The following SGSM2 variants were observed in gnomAD, a reference collection of about 807,000 sequenced individuals.
SGSM2 encodes the protein RUN and TBC1 domain containing 1.
Under a neutral mutation model 126.6 loss-of-function variants are expected in SGSM2, and 89 were observed. The observed-to-expected ratio is 0.70, with a 90% CI of 0.59 to 0.84. The LOEUF (loss-of-function observed/expected upper bound fraction) is 0.84, where lower values mean the gene tolerates loss of function less well. Ranked by LOEUF, SGSM2 falls within the 40% of genes least tolerant of loss-of-function variation. The pLI is 0.00. For synonymous variants in SGSM2, 614 were observed against 574.3 expected (o/e 1.07, Z -0.99); for missense variants, 1,404 against 1,416.6 (o/e 0.99, Z 0.14).
Position 2,362,394 on chromosome 17 carries a change from G to T in SGSM2, c.458+124G>T. ...CGTTCCCCAAAAACTGCAGGTGACCGCCCCGTTCCCCCCAAAACTGCAGGT... is the reference window on the plus strand; with the variant it reads ...CGTTCCCCAAAAACTGCAGGTGACCTCCCCGTTCCCCCCAAAACTGCAGGT... On this transcript the variant is annotated intron_variant, in intron 4 of 23. Coordinates refer to ENST00000268989, the MANE Select transcript of SGSM2 (RefSeq NM_014853.3). This position sits in a 1 kb window ranked among gnomAD's most constrained non-coding sequence, Gnocchi z 4.9. 1.0e-6 allele frequency: 1 copy of T among 965,446 alleles called. No individual in the cohort carries two copies. The highest frequency in any genetic ancestry group is 3.0e-5 in the East Asian group (1 of 33,176). 59.8% of individuals were successfully genotyped at this position (965,446 alleles called of 1,614,324 possible).
chr17:2,363,049 C>T lies in SGSM2; in HGVS notation c.587C>T (p.Pro196Leu). 6.2e-7 allele frequency: 1 copy of T among 1,613,988 alleles called. No homozygotes were observed. ...ACAGCCGATCACTACTGGACTGACC[C>T]CTCTGCTGATGAGCTGGTCCAGCGG... ...LKTADHYWTD[P>L]SADELVQRHR... The change falls in exon 6 of 24, where the codon CCC (proline) becomes CTC (leucine). Residue 196 changes from proline (P) to leucine (L), a missense_variant. Transcript: ENST00000268989. This position sits in a 1 kb window ranked among gnomAD's most constrained non-coding sequence, Gnocchi z 4.2.
rs144978219 is a variant in SGSM2, at chr17:2,337,715, A to C, written c.27A>C (p.Lys9Asn). 143 of 1,543,282 alleles carry C rather than the reference A, an allele frequency of 9.3e-5. No homozygotes were observed. The highest frequency in any genetic ancestry group is 1.2e-4 in the Non-Finnish European group (139 of 1,142,454). Residue 9 changes from lysine (K) to asparagine (N), a missense_variant, in exon 1 of 24, where the codon AAA (lysine) becomes AAC (asparagine). Physicochemically the swap from Lys to Asn is moderately conservative, Grantham distance 94. Transcript: ENST00000268989. This position sits in a 1 kb window ranked among gnomAD's most constrained non-coding sequence, Gnocchi z 5.1. ...TGGGCAGCGCAGAGGACGCAGTCAA[A>C]GAGAAACTGCTGTGGAACGTGAAGA... is the stretch of plus-strand genomic sequence containing the variant. MGSAEDAV[K>N]EKLLWNVKKE... is the part of the protein sequence containing the mutation.
chr17:2,373,221 G>A (rs2065962974), intron 16 of SGSM2, 110 bp from the exon 17 acceptor site: 4 of 1,537,540 alleles, frequency 2.6e-6, no homozygotes, highest in Admixed American at 1.8e-5. Context: ...TTACCCTGAG[G>A]CCCGTCTTGA....
intron 8 of SGSM2, 48 bp from the exon 9 acceptor site, chr17:2,364,547 AG>A (rs2065467034): frequency 6.3e-7 from 1 of 1,584,628 alleles, no homozygotes; most frequent in African/African-American, 1.3e-5. Context: ...GAAGGAAGGA[AG>A]GATGGCAGGT....
At chr17:2,376,885 G>C in intron 20 of SGSM2, 70 bp downstream of exon 20, 2 of 1,606,438 alleles carry the variant, frequency 1.2e-6, no homozygotes, top group Admixed American at 3.3e-5. Context: ...GCCAGGTCTG[G>C]AGGGGTGGGA....
At chr17:2,354,023 T>TCCA (rs888074971) in intron 2 of SGSM2, among the ~76,000 whole-genome samples, 10 of 152,060 alleles carry the variant, frequency 6.6e-5, no homozygotes, top group African/African-American at 2.4e-4. Flanking sequence ...TCCTCCCACC[T>TCCA]CCACCTCCTG....
At position 2,363,803 on chromosome 17, in the gene SGSM2, G is replaced by A; in HGVS notation, c.807+204G>A. 2 of 858,574 alleles carry A rather than the reference G, an allele frequency of 2.3e-6. No individual in the cohort carries two copies. The highest frequency in any genetic ancestry group is 3.5e-6 in the Non-Finnish European group (2 of 568,042). 53.2% of individuals were successfully genotyped at this position (858,574 alleles called of 1,614,324 possible). A position where few individuals can be genotyped will look rare whatever the true frequency, so the allele number is the denominator to read the frequency against. The stretch of plus-strand genomic sequence containing the variant: ...CAGGAATGGCAGCCAGCAGGCGAGG[G>A]GAGTCCGCAGTGTGGGTATGGCTGG... On this transcript the variant is annotated intron_variant, in intron 7 of 23. Coordinates refer to ENST00000268989, the MANE Select transcript of SGSM2 (RefSeq NM_014853.3). The surrounding 1 kb of genome is among the most constrained non-coding windows in gnomAD (Gnocchi z 4.2).
intron 2 of SGSM2, among the ~76,000 whole-genome samples, chr17:2,351,195 G>A (rs751572696): frequency 2.0e-5 from 3 of 151,924 alleles, no homozygotes; most frequent in Non-Finnish European, 4.4e-5. Flanking sequence ...GGAGATTGCA[G>A]TAAGCCAAGA....
At chr17:2,376,919 C>A in intron 20 of SGSM2, 40 bp from the exon 21 acceptor site, 4 of 1,599,388 alleles carry the variant, frequency 2.5e-6, no homozygotes, top group Non-Finnish European at 3.4e-6. Flanking sequence ...CTGTCCCCTG[C>A]GTCTCCTGCC....
intron 3 of SGSM2, 142 bp downstream of exon 3, chr17:2,361,941 G>A (rs2065327863): frequency 3.0e-6 from 4 of 1,324,054 alleles, no homozygotes; most frequent in South Asian, 2.8e-5. Context: ...GCTTGAGGGA[G>A]GGGATTGGTT....
At position 2,361,226 on chromosome 17, in the gene SGSM2, G is replaced by A. The variant is rs567904752; in HGVS notation, c.134-411G>A. Among the ~76,000 whole-genome samples, 3 of 152,350 alleles carry A rather than the reference G, an allele frequency of 2.0e-5. No individual in the cohort carries two copies. In the South Asian group the frequency reaches 6.2e-4, roughly 32 times the overall value. ...TCATCAATATTTTAGCTCCTGCAGA[G>A]CCCTGTTCCTTAGCAACCGCATCCT... On this transcript the variant is annotated intron_variant, in intron 2 of 23. Coordinates refer to ENST00000268989, the MANE Select transcript of SGSM2 (RefSeq NM_014853.3).
chr17:2,345,985 G>A (rs2064583146), intron 2 of SGSM2, among the ~76,000 whole-genome samples: 1 of 152,088 alleles, frequency 6.6e-6, no homozygotes, highest in Admixed American at 6.6e-5. Context: ...GGACGGGGAG[G>A]GAAGACTAGC....
chr17:2,365,500 C>CA (rs2065526615), intron 11 of SGSM2, among the ~76,000 whole-genome samples, 159 bp downstream of exon 11: 1 of 152,182 alleles, frequency 6.6e-6, no homozygotes, highest in Non-Finnish European at 1.5e-5. Flanking sequence ...CTTTTACCCA[C>CA]AGATATTGCC....
chr17:2,359,119 C>T (rs901209760), intron 2 of SGSM2, among the ~76,000 whole-genome samples: 7 of 152,068 alleles, frequency 4.6e-5, no homozygotes, highest in African/African-American at 1.4e-4. Context: ...CCTCATGATC[C>T]GCCTGCCTCG....
At chr17:2,352,979 A>G (rs996742065) in intron 2 of SGSM2, among the ~76,000 whole-genome samples, 21 of 150,820 alleles carry the variant, frequency 1.4e-4, no homozygotes, top group Admixed American at 2.6e-4. Flanking sequence ...GGGTTTCACC[A>G]TGTTAGCCAG....
At chr17:2,349,239 C>T (rs572411969) in intron 2 of SGSM2, among the ~76,000 whole-genome samples, 225 of 152,124 alleles carry the variant, frequency 1.5e-3, no homozygotes, top group African/African-American at 4.9e-3. Context: ...AGCTGGGCAT[C>T]ATGGTGCACG....
chr17:2,370,239 C>T (rs955518793), intron 12 of SGSM2, among the ~76,000 whole-genome samples: 4 of 152,258 alleles, frequency 2.6e-5, no homozygotes, highest in African/African-American at 9.6e-5. Flanking sequence ...TCCCTCCCTC[C>T]CGGCATCACC....
chr17:2,360,917 T>C (rs1353717850), intron 2 of SGSM2, among the ~76,000 whole-genome samples: 1 of 152,198 alleles, frequency 6.6e-6, no homozygotes, highest in Non-Finnish European at 1.5e-5. Context: ...TGTAAAACTG[T>C]TAGTTTGGCC....
chr17:2,380,364 TG>T lies in SGSM2; in HGVS notation c.*845del. ...GCTCTGAGGAATCCCAGGGTGACTC[TG>T]TCGGGGAAGAATCCGGTCACAGCCT... On this transcript the variant is annotated 3_prime_UTR_variant, in exon 24 of 24. Transcript: ENST00000268989. 1 of 1,479,260 alleles carries T rather than the reference TG, an allele frequency of 6.8e-7. No homozygotes were observed. Among genetic ancestry groups the T allele is most frequent in the East Asian group, 2.5e-5 (1 of 40,638 alleles). 91.6% of individuals were successfully genotyped at this position (1,479,260 alleles called of 1,614,324 possible).
Sources: allele counts gnomAD v4.1 joint callset (sites outside exome capture counted in the v4.1 genomes callset), GRCh38; gene constraint gnomAD v4.1.1; non-coding constraint Gnocchi (gnomAD v3.1); transcripts MANE v1.5; gene names NCBI Gene and HGNC (gene_info 2026-07-23, HGNC 2026-07-21).